Variants in RYR2 observed in about 807,000 individuals in gnomAD.
The protein encoded by RYR2 is cardiac muscle ryanodine receptor-calcium release channel.
Under a neutral mutation model 601.1 loss-of-function variants are expected in RYR2, and 227 were observed. That is an observed-to-expected ratio of 0.38 (90% CI 0.34 to 0.42). The LOEUF is 0.42. Ranked by LOEUF, RYR2 falls within the 10% of genes least tolerant of loss-of-function variation. RYR2 has a pLI of 1.00. For synonymous variants in RYR2, 2,223 were observed against 2,175.1 expected, an observed-to-expected ratio of 1.02 and a Z score of -0.61; for missense variants, 4,646 against 6,156.5, an observed-to-expected ratio of 0.75 and a Z score of 8.21.
intron 24 of RYR2, among the ~76,000 whole-genome samples, chr1:237,529,519 C>T (rs1178702870): frequency 1.3e-5 from 2 of 151,950 alleles, no homozygotes; most frequent in Non-Finnish European, 2.9e-5. Context: ...ATATAACCAT[C>T]AACCTATCCA....
chr1:237,199,231 T>G (rs970005105), intron 1 of RYR2, among the ~76,000 whole-genome samples: 1 of 152,130 alleles, frequency 6.6e-6, no homozygotes, highest in Non-Finnish European at 1.5e-5. Context: ...TAGTAACGAG[T>G]GCTGACTCAT....
In RYR2 at chr1:237,289,144, C is replaced by T. The variant is rs932306675; in HGVS notation, c.168+18528C>T. Among the ~76,000 whole-genome samples, 16 of 152,272 alleles carry T rather than the reference C, an allele frequency of 1.1e-4. 1 individual carries two copies. Among genetic ancestry groups the T allele is most frequent in the Admixed American group, 6.5e-4 (10 of 15,296 alleles). On this transcript the variant is annotated intron_variant, in intron 2 of 104. Transcript: ENST00000366574. ...CCTACTTCCATGGTTGGGGCACTCA[C>T]AGTTTTAGGGGGGTCTCCCGGGTCC... is the stretch of plus-strand genomic sequence containing the variant.
intron 1 of RYR2, among the ~76,000 whole-genome samples, chr1:237,088,844 C>T (rs952208796): frequency 2.6e-5 from 4 of 152,154 alleles, no homozygotes; most frequent in Non-Finnish European, 5.9e-5. Context: ...TAATATCTTA[C>T]CTTCAAAAGA....
chr1:237,366,023 T>G (rs1163384951), intron 5 of RYR2, among the ~76,000 whole-genome samples: 1 of 152,256 alleles, frequency 6.6e-6, no homozygotes, highest in Non-Finnish European at 1.5e-5. Context: ...GGCATATGCA[T>G]GCAATTACAG....
At chr1:237,314,915 G>A (rs535520768) in intron 2 of RYR2, among the ~76,000 whole-genome samples, 30 of 152,200 alleles carry the variant, frequency 2.0e-4, no homozygotes, top group African/African-American at 6.3e-4. Context: ...GATTAGCTTG[G>A]AGAAAAGAGA....
At chr1:237,216,701 A>C (rs1683194233) in intron 1 of RYR2, among the ~76,000 whole-genome samples, 1 of 149,488 alleles carries the variant, frequency 6.7e-6, no homozygotes, top group Non-Finnish European at 1.5e-5. Flanking sequence ...GTACTATTGC[A>C]CTCCAGCTTG....
At chr1:237,730,515 T>A (rs1035291304) in intron 77 of RYR2, among the ~76,000 whole-genome samples, 159 bp downstream of exon 77, 6 of 152,124 alleles carry the variant, frequency 3.9e-5, no homozygotes, top group African/African-American at 1.2e-4. Context: ...ATTCAATGCT[T>A]ATGGGAAAAT....
At chr1:237,322,361 G>A (rs1047813296) in intron 2 of RYR2, among the ~76,000 whole-genome samples, 1 of 152,164 alleles carries the variant, frequency 6.6e-6, no homozygotes, top group Non-Finnish European at 1.5e-5. Flanking sequence ...CTCTAGACAA[G>A]TCGGAATCTG....
chr1:237,506,943 A>G (rs1250153399), intron 23 of RYR2, 129 bp downstream of exon 23: 9 of 793,996 alleles, frequency 1.1e-5, no homozygotes, highest in East Asian at 1.1e-4. Flanking sequence ...CCCCCTACAC[A>G]TTAGTTTTTG....
chr1:237,388,085 AGGG>A lies in RYR2; in HGVS notation c.677-1_678del. 1 of 1,613,376 alleles carries A rather than the reference AGGG, an allele frequency of 6.2e-7. No homozygotes were observed. Among genetic ancestry groups the A allele is most frequent in the East Asian group, 2.2e-5 (1 of 44,868 alleles). On this transcript the variant is annotated splice_acceptor_variant and coding_sequence_variant, in exon 10 of 105. Coordinates refer to ENST00000366574, the MANE Select transcript of RYR2 (RefSeq NM_001035.3). LOFTEE classifies it high-confidence loss of function. The stretch of plus-strand genomic sequence containing the variant: ...GACCTGAATGATTTTTTATCCTTAC[AGGG>A]TATCTCATTGGTGGTGATGTCCTCA...
chr1:237,136,428 A>G (rs1013485369), intron 1 of RYR2, among the ~76,000 whole-genome samples: 8 of 152,330 alleles, frequency 5.3e-5, no homozygotes, highest in East Asian at 1.9e-4. Flanking sequence ...TCTGAGAGCT[A>G]TAAATGACAT....
intron 17 of RYR2, among the ~76,000 whole-genome samples, chr1:237,478,795 C>A (rs1175679766): frequency 6.8e-6 from 1 of 146,902 alleles, no homozygotes; most frequent in Non-Finnish European, 1.5e-5. Context: ...AAGGGACCCC[C>A]CTACCCTCGC....
At chr1:237,469,658 G>A (rs1572466713) in intron 17 of RYR2, among the ~76,000 whole-genome samples, 1 of 152,034 alleles carries the variant, frequency 6.6e-6, no homozygotes, top group South Asian at 2.1e-4. Flanking sequence ...ATTACTGCTA[G>A]TCTATTCTAT....
chr1:237,187,133 G>A (rs1679434099), intron 1 of RYR2, among the ~76,000 whole-genome samples: 1 of 151,964 alleles, frequency 6.6e-6, no homozygotes, highest in African/African-American at 2.4e-5. Context: ...ATTCAGATTA[G>A]CCTTGTAGTA....
chr1:237,332,469 T>C (rs1039845761), intron 3 of RYR2, among the ~76,000 whole-genome samples: 9 of 152,300 alleles, frequency 5.9e-5, no homozygotes, highest in African/African-American at 1.7e-4. Flanking sequence ...TATTCTTTCA[T>C]GTAAACCTTC....
intron 1 of RYR2, among the ~76,000 whole-genome samples, chr1:237,107,538 G>GAAAAAAAAAAAAAAAAAAC (rs1218167557): frequency 1.8e-5 from 1 of 56,800 alleles, no homozygotes; most frequent in Non-Finnish European, 4.8e-5. Flanking sequence ...AAAAAAAAAG[G>GAAAAAAAAAAAAAAAAAAC]AAACATTGTA....
At chr1:237,317,235 G>A (rs1190660869) in intron 2 of RYR2, among the ~76,000 whole-genome samples, 1 of 152,104 alleles carries the variant, frequency 6.6e-6, no homozygotes. Flanking sequence ...AAGCAAAACC[G>A]AATAACTCTA....
chr1:237,549,024 A>G (rs2618660), intron 26 of RYR2, among the ~76,000 whole-genome samples: 130,484 of 152,178 alleles, frequency 0.86, 57,862 homozygotes, highest in South Asian at 0.96. Flanking sequence ...TATTACATGT[A>G]TATACATAAC....
rs138727833 is a variant in RYR2 at position 237,556,854 on chromosome 1, C to G, written c.3214+6163C>G. On this transcript the variant is annotated intron_variant, in intron 27 of 104. Coordinates refer to ENST00000366574, the MANE Select transcript of RYR2 (RefSeq NM_001035.3). The stretch of plus-strand genomic sequence containing the variant: ...GGTATATTAGTTATCTATTCCTGTA[C>G]AGCAAACTACCCCTTTCCCTCCCAC... 4.9e-3 allele frequency among the ~76,000 whole-genome samples: 603 copies of G among 122,124 alleles called. 3 individuals are homozygous for G. The highest frequency in any genetic ancestry group is 6.3e-3 in the Non-Finnish European group (395 of 63,164). The allele number at this position is 122,124 out of a possible 152,430, so 80.1% of individuals were successfully genotyped here.
Sources: allele counts gnomAD v4.1 joint callset (sites outside exome capture counted in the v4.1 genomes callset), GRCh38; gene constraint gnomAD v4.1.1; transcripts MANE v1.5; gene names NCBI Gene and HGNC (gene_info 2026-07-23, HGNC 2026-07-21).